The following CXADR variants were observed in gnomAD, a reference collection of about 807,000 sequenced individuals.
CXADR encodes CXADR cell adhesion molecule, also known as coxsackievirus and adenovirus receptor.
CXADR carries 20 observed loss-of-function variants against 40.3 expected under a neutral mutation model. The observed-to-expected ratio is 0.50, with a 90% confidence interval of 0.35 to 0.72. CXADR has a LOEUF of 0.72. Ranked by LOEUF, CXADR falls within the 30% of genes least tolerant of loss-of-function variation. CXADR has a pLI of 0.01. For synonymous variants in CXADR, 150 were observed against 161.3 expected, an observed-to-expected ratio of 0.93 and a Z score of 0.53; for missense variants, 332 against 449.1, an observed-to-expected ratio of 0.74 and a Z score of 2.36.
chr21:17,538,264 T>G (rs2060785130), intron 1 of CXADR, among the ~76,000 whole-genome samples: 1 of 152,114 alleles, frequency 6.6e-6, no homozygotes, highest in South Asian at 2.1e-4. Flanking sequence ...CCTCCCACAG[T>G]GCTGGGATTA....
chr21:17,516,585 G>A (rs2060464951), intron 1 of CXADR, among the ~76,000 whole-genome samples: 1 of 152,164 alleles, frequency 6.6e-6, no homozygotes, highest in Admixed American at 6.5e-5. Flanking sequence ...AACTAAAAAA[G>A]TCTGGTCTCC....
intron 7 of CXADR, among the ~76,000 whole-genome samples, chr21:17,581,322 AAGG>A (rs780489854): frequency 3.9e-5 from 6 of 152,202 alleles, no homozygotes; most frequent in Non-Finnish European, 7.3e-5. Flanking sequence ...AAATTTCTAA[AAGG>A]AGCAAATGAG....
rs903529779 is a variant in CXADR at position 17,548,942 on chromosome 21, G to A, written c.210+1749G>A. On this transcript the variant is annotated intron_variant, in intron 2 of 6. Coordinates refer to ENST00000284878, the MANE Select transcript of CXADR (RefSeq NM_001338.5). ...GTTAGGAAGAGATTGATGCAGAAGA[G>A]GATGCATACATGGAATTTAAACTAC... 5.9e-5 allele frequency among the ~76,000 whole-genome samples: 9 copies of A among 152,252 alleles called. 1 individual carries two copies. The highest frequency in any genetic ancestry group is 2.1e-4 in the South Asian group (1 of 4,820).
chr21:17,568,221 C>T lies in CXADR; in HGVS notation c.*2529C>T. The T allele has an allele frequency of 1.1e-6, 1 of 923,278 alleles. No individual in the cohort carries two copies. The highest frequency in any genetic ancestry group is 1.3e-6 in the Non-Finnish European group (1 of 774,518). 57.2% of individuals were successfully genotyped at this position (923,278 alleles called of 1,614,324 possible). ...TCGGCTCACTGCAAGCTCCGCCTCCCAGGTTCACGCCATTCTCCTGCCTCA... is the reference window on the plus strand; with the variant it reads ...TCGGCTCACTGCAAGCTCCGCCTCCTAGGTTCACGCCATTCTCCTGCCTCA... On this transcript the variant is annotated 3_prime_UTR_variant, in exon 7 of 7. Transcript: ENST00000284878.
At chr21:17,548,407 T>C (rs2060925063) in intron 2 of CXADR, among the ~76,000 whole-genome samples, 1 of 152,226 alleles carries the variant, frequency 6.6e-6, no homozygotes, top group South Asian at 2.1e-4. Context: ...TCTGTTTCCC[T>C]GAGCAAAATA....
rs1451068311 is a variant in CXADR, at chr21:17,587,362, A to G, written c.1018-5790A>G. 2.0e-5 allele frequency among the ~76,000 whole-genome samples: 3 copies of G among 152,120 alleles called. No individual in the cohort carries two copies. The South Asian group carries it at 6.2e-4, about 32-fold the overall frequency. On this transcript the variant is annotated intron_variant, in intron 7 of 7. Transcript: ENST00000400169. The stretch of plus-strand genomic sequence containing the variant: ...TAGTTTACAGTCCCACCAACAGTGT[A>G]AAAGTGTTCCTATTTCTCCACATCC...
intron 7 of CXADR, among the ~76,000 whole-genome samples, chr21:17,586,427 A>G (rs1239631381): frequency 6.8e-6 from 1 of 147,922 alleles, no homozygotes; most frequent in Non-Finnish European, 1.5e-5. Flanking sequence ...TATATATTAT[A>G]TATGTATAAT....
chr21:17,571,806 G>T (rs1430000666), downstream of CXADR, among the ~76,000 whole-genome samples: 1 of 152,150 alleles, frequency 6.6e-6, no homozygotes, highest in Non-Finnish European at 1.5e-5. Context: ...GGATACTTCT[G>T]TGCCCTCCTC....
rs1010115133 is a variant in CXADR, at chr21:17,568,230, G to T, written c.*2538G>T. On this transcript the variant is annotated 3_prime_UTR_variant, in exon 7 of 7. Transcript: ENST00000284878. ...TGCAAGCTCCGCCTCCCAGGTTCACGCCATTCTCCTGCCTCAGCCTCCCGA... is the reference window on the plus strand; with the variant it reads ...TGCAAGCTCCGCCTCCCAGGTTCACTCCATTCTCCTGCCTCAGCCTCCCGA... 14 of 905,726 alleles carry T rather than the reference G, an allele frequency of 1.5e-5. No individual in the cohort carries two copies. Among genetic ancestry groups the T allele is most frequent in the South Asian group, 5.1e-5 (1 of 19,548 alleles). The allele number at this position is 905,726 out of a possible 1,614,324, so 56.1% of individuals were successfully genotyped here.
chr21:17,533,014 CCTT>C (rs2060697600), intron 1 of CXADR, among the ~76,000 whole-genome samples: 1 of 152,012 alleles, frequency 6.6e-6, no homozygotes, highest in Non-Finnish European at 1.5e-5. Flanking sequence ...CCTGCTAATG[CCTT>C]TGAGATGTGG....
intron 2 of CXADR, among the ~76,000 whole-genome samples, chr21:17,548,824 T>TG (rs2060931422): frequency 6.6e-6 from 1 of 152,142 alleles, no homozygotes; most frequent in African/African-American, 2.4e-5. Flanking sequence ...AAGATAAATG[T>TG]GAAACTGGGA....
chr21:17,522,044 GTC>G (rs539781275), intron 1 of CXADR, among the ~76,000 whole-genome samples: 17 of 151,942 alleles, frequency 1.1e-4, no homozygotes, highest in Admixed American at 5.9e-4. Flanking sequence ...TTGAGACAGT[GTC>G]TCTCTCTCTT....
intron 1 of CXADR, among the ~76,000 whole-genome samples, chr21:17,532,146 T>A (rs1254361782): frequency 6.6e-6 from 1 of 152,078 alleles, no homozygotes; most frequent in East Asian, 1.9e-4. Context: ...TTGCCCAGGT[T>A]GGTCTCAAAC....
chr21:17,533,781 G>A (rs1189324932), intron 1 of CXADR, among the ~76,000 whole-genome samples: 2 of 151,860 alleles, frequency 1.3e-5, no homozygotes, highest in Non-Finnish European at 2.9e-5. Flanking sequence ...TCTCATTGGG[G>A]ATAGGGAGCT....
At chr21:17,536,847 C>G (rs1446989914) in intron 1 of CXADR, among the ~76,000 whole-genome samples, 1 of 152,094 alleles carries the variant, frequency 6.6e-6, no homozygotes, top group Non-Finnish European at 1.5e-5. Flanking sequence ...ACCTCTGCCT[C>G]CCTGGTTCAA....
the CXADR span, among the ~76,000 whole-genome samples, chr21:17,621,206 A>G: frequency 6.6e-6 from 1 of 152,160 alleles, no homozygotes; most frequent in Admixed American, 6.5e-5. Context: ...ATTCAATAGC[A>G]TTTTCTTACA....
intron 1 of CXADR, among the ~76,000 whole-genome samples, chr21:17,545,285 G>T (rs2060881868): frequency 6.6e-6 from 1 of 151,954 alleles, no homozygotes; most frequent in African/African-American, 2.4e-5. Flanking sequence ...GCACACTTTA[G>T]ATGTTTGAAT....
Position 17,568,898 on chromosome 21 carries a change from C to G in CXADR, c.*3206C>G. Reference sequence around the variant, plus strand: ...TGGACTTTCTAAAATGGAAACACAGCCTGAGTGTATCTTAGGGAGAGTTTG... The same window carrying G: ...TGGACTTTCTAAAATGGAAACACAGGCTGAGTGTATCTTAGGGAGAGTTTG... On this transcript the variant is annotated 3_prime_UTR_variant, in exon 7 of 7. Coordinates refer to ENST00000284878, the MANE Select transcript of CXADR (RefSeq NM_001338.5). 4 of 985,080 alleles carry G rather than the reference C, an allele frequency of 4.1e-6. No individual in the cohort carries two copies. Among genetic ancestry groups the G allele is most frequent in the Non-Finnish European group, 4.8e-6 (4 of 829,824 alleles). 61.0% of individuals were successfully genotyped at this position (985,080 alleles called of 1,614,324 possible).
At chr21:17,558,876 A>C in intron 3 of CXADR, 100 bp from the exon 4 acceptor site, 1 of 1,260,972 alleles carries the variant, frequency 7.9e-7, no homozygotes, top group Non-Finnish European at 1.1e-6. Context: ...TTCTGAACCC[A>C]GAACCAACTG....
Sources: gnomAD v4.1 joint callset for allele counts (sites outside exome capture counted in the v4.1 genomes callset) on GRCh38, gnomAD v4.1.1 for gene constraint, MANE v1.5 for transcripts, NCBI Gene and HGNC (gene_info 2026-07-23, HGNC 2026-07-21) for gene names.